The following TTC6 variants were observed in gnomAD, a reference collection of about 807,000 sequenced individuals.
TTC6 encodes tetratricopeptide repeat protein 6.
Under a neutral mutation model 210.4 loss-of-function variants are expected in TTC6, and 172 were observed. The ratio of observed to expected loss-of-function variants is 0.82; its 90% CI spans 0.72 to 0.93. TTC6 has a LOEUF of 0.93. TTC6 is among the 40% of genes least tolerant of loss of function. The pLI, the probability that TTC6 is intolerant of heterozygous loss-of-function variation, is 0.00. For synonymous variants in TTC6, 804 were observed against 819.6 expected, an observed-to-expected ratio of 0.98 and a Z score of 0.32; for missense variants, 2,414 against 2,318.1, an observed-to-expected ratio of 1.04 and a Z score of -0.85.
At chr14:37,737,679 C>A in exon 9 of TTC6, 2 of 1,521,036 alleles carry the variant, frequency 1.3e-6, no homozygotes, top group Non-Finnish European at 1.8e-6. Flanking sequence ...CCAAGAAAAT[C>A]TGCATCATTT....
intron 1 of TTC6, among the ~76,000 whole-genome samples, chr14:37,667,653 A>G (rs2095750760): frequency 1.3e-5 from 2 of 150,732 alleles, no homozygotes; most frequent in Non-Finnish European, 3.0e-5. Context: ...TTTGATCTGT[A>G]AGAATACCTT....
chr14:37,680,085 A>G (rs1394141274), intron 1 of TTC6, 66 bp from the exon 4 acceptor site: 14 of 867,984 alleles, frequency 1.6e-5, no homozygotes, highest in Admixed American at 2.6e-5. Context: ...GCATTTTAGT[A>G]TAATGAATAA....
At chr14:37,703,857 C>G (rs2095830246) in intron 5 of TTC6, among the ~76,000 whole-genome samples, 1 of 152,068 alleles carries the variant, frequency 6.6e-6, no homozygotes, top group Non-Finnish European at 1.5e-5. Flanking sequence ...AGTTTGTAGA[C>G]ATTTAGTTCA....
At chr14:37,765,675 A>G (rs568065731) in intron 14 of TTC6, among the ~76,000 whole-genome samples, 7 of 152,138 alleles carry the variant, frequency 4.6e-5, no homozygotes, top group African/African-American at 1.4e-4. Flanking sequence ...GTTTCCATCT[A>G]GTGTCTTTCA....
rs760863080 is a variant in TTC6, at chr14:37,807,498, G to T, written c.4455+38G>T. On this transcript the variant is annotated intron_variant, in intron 23 of 30. Coordinates refer to ENST00000553443, the Ensembl canonical transcript of TTC6. ...CCTGCCTGGTTTACCGAAATTTTAG[G>T]GTGGGCAGATTCTCTTATGCTAGGC... 1.3e-5 allele frequency: 18 copies of T among 1,433,408 alleles called. No individual in the cohort carries two copies. In the African/African-American group the frequency reaches 1.9e-4, roughly 16 times the overall value. 88.8% of individuals were successfully genotyped at this position (1,433,408 alleles called of 1,614,324 possible). A position where few individuals can be genotyped will look rare whatever the true frequency, so the allele number is the denominator to read the frequency against.
At chr14:37,662,779 G>T (rs559497088) in intron 1 of TTC6, among the ~76,000 whole-genome samples, 1 of 152,122 alleles carries the variant, frequency 6.6e-6, no homozygotes, top group Non-Finnish European at 1.5e-5. Context: ...GCCTGTTTTT[G>T]TATCAGTACT....
At chr14:37,773,479 A>G (rs1236215307) in intron 14 of TTC6, among the ~76,000 whole-genome samples, 1 of 152,190 alleles carries the variant, frequency 6.6e-6, no homozygotes, top group African/African-American at 2.4e-5. Context: ...GCATATGGCT[A>G]GCCAGTCATC....
chr14:37,672,778 A>AT (rs1401901391), intron 1 of TTC6, among the ~76,000 whole-genome samples: 1 of 148,144 alleles, frequency 6.8e-6, no homozygotes, highest in Non-Finnish European at 1.5e-5. Flanking sequence ...CATTGCATCT[A>AT]TTTTTGATGA....
intron 14 of TTC6, among the ~76,000 whole-genome samples, chr14:37,756,132 C>T (rs771981691): frequency 2.0e-5 from 3 of 152,148 alleles, no homozygotes; most frequent in Non-Finnish European, 4.4e-5. Flanking sequence ...GGAGTTCACT[C>T]ATGATTTGGC....
chr14:37,693,628 A>G (rs1010954738), intron 3 of TTC6, among the ~76,000 whole-genome samples: 1 of 152,112 alleles, frequency 6.6e-6, no homozygotes, highest in Non-Finnish European at 1.5e-5. Flanking sequence ...AACAAAAAAC[A>G]AACCCCAAAC....
intron 23 of TTC6, among the ~76,000 whole-genome samples, chr14:37,808,046 G>C (rs1489243318): frequency 6.6e-6 from 1 of 152,014 alleles, no homozygotes; most frequent in Non-Finnish European, 1.5e-5. Flanking sequence ...CAAAATTGCT[G>C]CTTGGGTTTA....
At chr14:37,637,064 C>G (rs1056723879) in intron 1 of TTC6, among the ~76,000 whole-genome samples, 1 of 151,938 alleles carries the variant, frequency 6.6e-6, no homozygotes, top group Non-Finnish European at 1.5e-5. Context: ...GGTTCTGGAA[C>G]TAGTAGACAT....
intron 15 of TTC6, among the ~76,000 whole-genome samples, chr14:37,789,811 A>G (rs1046141130): frequency 5.9e-5 from 9 of 151,966 alleles, no homozygotes; most frequent in African/African-American, 2.2e-4. Context: ...CTTAATGTGT[A>G]TGATCATTGC....
At chr14:37,794,495 A>T (rs561841780) in intron 17 of TTC6, among the ~76,000 whole-genome samples, 3 of 151,000 alleles carry the variant, frequency 2.0e-5, no homozygotes, top group Non-Finnish European at 4.4e-5. Context: ...ATTTTCAATG[A>T]TAGTTGATTT....
intron 1 of TTC6, among the ~76,000 whole-genome samples, chr14:37,651,305 C>T (rs191919148): frequency 6.9e-6 from 1 of 145,262 alleles, no homozygotes; most frequent in African/African-American, 2.5e-5. Flanking sequence ...CTGTCATTAT[C>T]CATTTGAATA....
chr14:37,828,744 A>G (rs534256429), intron 29 of TTC6, among the ~76,000 whole-genome samples: 10 of 152,022 alleles, frequency 6.6e-5, no homozygotes, highest in Non-Finnish European at 1.0e-4. Context: ...TGTCAGGGTC[A>G]TTCCTAAGAA....
intron 3 of TTC6, among the ~76,000 whole-genome samples, chr14:37,693,298 C>A (rs2095807873): frequency 6.6e-6 from 1 of 151,830 alleles, no homozygotes; most frequent in Non-Finnish European, 1.5e-5. Flanking sequence ...TACAAAATAC[C>A]TAGGAATTAA....
At chr14:37,789,530 G>A (rs563081761) in intron 15 of TTC6, among the ~76,000 whole-genome samples, 161 of 149,818 alleles carry the variant, frequency 1.1e-3, no homozygotes, top group African/African-American at 3.7e-3. Context: ...CTTGACATTC[G>A]CATTGTGGAT....
Position 37,614,873 on chromosome 14 carries a change from C to T in TTC6, c.-154-7177C>T, listed in dbSNP as rs146597781. ...GAAGTTCTCTTGCTTCAGCCTCCCA[C>T]GTAACTGGGATTACAGCTGCCCAGC... On this transcript the variant is annotated intron_variant, in intron 2 of 2. Coordinates refer to the TTC6 transcript ENST00000556845. Among the ~76,000 whole-genome samples the T allele has an allele frequency of 2.0e-3, 311 of 152,176 alleles. 1 individual carries two copies. Among genetic ancestry groups the T allele is most frequent in the African/African-American group, 6.8e-3 (283 of 41,516 alleles).
Sources: gnomAD v4.1 joint callset for allele counts (sites outside exome capture counted in the v4.1 genomes callset) on GRCh38, gnomAD v4.1.1 for gene constraint, MANE v1.5 for transcripts, NCBI Gene and HGNC (gene_info 2026-07-23, HGNC 2026-07-21) for gene names.